PROKR2: variants seen among roughly 807,000 people sequenced by gnomAD.
The protein encoded by PROKR2 is G protein-coupled receptor 73-like 1.
A neutral mutation model predicts 23.4 loss-of-function variants in PROKR2; 26 were observed. The ratio of observed to expected loss-of-function variants is 1.11; its 90% CI spans 0.81 to 1.54. The LOEUF (loss-of-function observed/expected upper bound fraction) is 1.54. Ranked by LOEUF, PROKR2 falls within the 40% of genes most tolerant of loss-of-function variation. The pLI, the probability that PROKR2 is intolerant of heterozygous loss-of-function variation, is 0.00. For synonymous variants in PROKR2, 212 were observed against 201.2 expected, an observed-to-expected ratio of 1.05 and a Z score of -0.45; for missense variants, 453 against 511.5, an observed-to-expected ratio of 0.89 and a Z score of 1.10.
rs758934904 is a variant in PROKR2, at chr20:5,316,052, G to A, written c.-9+442C>T. ...CCTGGCAAAGACAGGAATCAAGTCA[G>A]AAATTCAGGCTCTAGAAGCAAAGGC... On this transcript the variant is annotated intron_variant, in intron 1 of 2. Transcript: ENST00000678254. The surrounding 1 kb of genome is among the most constrained non-coding windows in gnomAD (Gnocchi z 5.0). The A allele has an allele frequency of 2.2e-6, 1 of 456,632 alleles. No homozygotes were observed. The highest frequency in any genetic ancestry group is 6.9e-5 in the East Asian group (1 of 14,394). The allele number at this position is 456,632 out of a possible 1,614,324, so 28.3% of individuals were successfully genotyped here. A position where few individuals can be genotyped will look rare whatever the true frequency, so the allele number is the denominator to read the frequency against.
intron 2 of PROKR2, among the ~76,000 whole-genome samples, chr20:5,303,728 G>A (rs1979100643): frequency 6.6e-6 from 1 of 152,074 alleles, no homozygotes; most frequent in South Asian, 2.1e-4. Flanking sequence ...TTTGGGATAT[G>A]GTAGATGAAG....
chr20:5,306,132 A>G (rs562617134), intron 2 of PROKR2, among the ~76,000 whole-genome samples: 10 of 152,362 alleles, frequency 6.6e-5, no homozygotes, highest in African/African-American at 9.6e-5. Flanking sequence ...TACCTTTAAA[A>G]TGGTTAACAG....
rs1290039809 is a variant in PROKR2, at chr20:5,314,013, G to C, written c.357C>G (p.Leu119=). The change falls in exon 2 of 3, where the codon CTC becomes CTG. Residue 119 remains leucine (L), a synonymous_variant. Transcript: ENST00000678254. ...FEMDYYVVRQ[L]SWEHGHVLCA... is the part of the protein sequence containing the mutation. ...AGAGCACGTGGCCATGCTCCCAGGA[G>C]AGCTGCCGTACCACGTAGTAGTCCA... is the stretch of plus-strand genomic sequence containing the variant. The C allele has an allele frequency of 6.2e-7, 1 of 1,614,082 alleles. No individual in the cohort carries two copies. Among genetic ancestry groups the C allele is most frequent in the Non-Finnish European group, 8.5e-7 (1 of 1,180,036 alleles).
rs1244900738 is a variant in PROKR2, at chr20:5,301,932, G to A, written c.*108C>T. ...GCATTCAGCTTCTTGAGGGCACGGGGGAGGCATGAACACAGATGTCATTTC... is the reference window on the plus strand; with the variant it reads ...GCATTCAGCTTCTTGAGGGCACGGGAGAGGCATGAACACAGATGTCATTTC... On this transcript the variant is annotated 3_prime_UTR_variant, in exon 3 of 3. Coordinates refer to ENST00000678254, the MANE Select transcript of PROKR2 (RefSeq NM_144773.4). 1.0e-6 allele frequency: 1 copy of A among 1,000,360 alleles called. No homozygotes were observed. Among genetic ancestry groups the A allele is most frequent in the African/African-American group, 1.6e-5 (1 of 62,826 alleles). The allele number at this position is 1,000,360 out of a possible 1,614,324, so 62.0% of individuals were successfully genotyped here.
At chr20:5,309,856 T>C (rs6053286) in intron 2 of PROKR2, among the ~76,000 whole-genome samples, 107,505 of 152,076 alleles carry the variant, frequency 0.71, 37,994 homozygotes, top group Non-Finnish European at 0.72. Flanking sequence ...TTGTCAATTC[T>C]TAAATTCTCA....
At chr20:5,314,999 C>T (rs912400978) in intron 1 of PROKR2, among the ~76,000 whole-genome samples, 4 of 152,234 alleles carry the variant, frequency 2.6e-5, no homozygotes, top group Non-Finnish European at 5.9e-5. Context: ...TGGAAATCAC[C>T]AAGTTCACTT....
chr20:5,301,933 G>C lies in PROKR2; in HGVS notation c.*107C>G. On this transcript the variant is annotated 3_prime_UTR_variant, in exon 3 of 3. Transcript: ENST00000678254. ...CATTCAGCTTCTTGAGGGCACGGGG[G>C]AGGCATGAACACAGATGTCATTTCC... 9.9e-7 allele frequency: 1 copy of C among 1,007,292 alleles called. No individual in the cohort carries two copies. The highest frequency in any genetic ancestry group is 1.5e-6 in the Non-Finnish European group (1 of 676,692). 62.4% of individuals were successfully genotyped at this position (1,007,292 alleles called of 1,614,324 possible). A position where few individuals can be genotyped will look rare whatever the true frequency, so the allele number is the denominator to read the frequency against.
At chr20:5,313,787 C>T in intron 2 of PROKR2, 125 bp downstream of exon 2, 2 of 831,948 alleles carry the variant, frequency 2.4e-6, no homozygotes, top group South Asian at 1.6e-5. Flanking sequence ...AGAAACAAGA[C>T]CTCCTCTTGC....
rs1371549535 is a variant in PROKR2 at position 5,300,843 on chromosome 20, C to G, written c.*1197G>C. Among the ~76,000 whole-genome samples the G allele has an allele frequency of 6.6e-6, 1 of 152,156 alleles. No homozygotes were observed. The highest frequency in any genetic ancestry group is 2.4e-5 in the African/African-American group (1 of 41,432). ...CTCCACTTTTTTCTCTGTCCTCTTT[C>G]CCCCTGACCCCAGAGCCACTGAAAT... On this transcript the variant is annotated 3_prime_UTR_variant, in exon 3 of 3. Transcript: ENST00000678254.
rs191480827 is a variant in PROKR2 at position 5,301,126 on chromosome 20, C to T, written c.*914G>A. On this transcript the variant is annotated 3_prime_UTR_variant, in exon 3 of 3. Coordinates refer to ENST00000678254, the MANE Select transcript of PROKR2 (RefSeq NM_144773.4). ...AGTATGATGGCTGTAACACACCTCC[C>T]ATGATGCTGTAAACCACGCACTGAC... Among the ~76,000 whole-genome samples the T allele has an allele frequency of 1.1e-4, 16 of 152,282 alleles. No individual in the cohort carries two copies. Among genetic ancestry groups the T allele is most frequent in the Admixed American group, 9.8e-4 (15 of 15,300 alleles).
chr20:5,308,646 G>A (rs529833205), intron 2 of PROKR2, among the ~76,000 whole-genome samples: 55 of 152,256 alleles, frequency 3.6e-4, no homozygotes, highest in African/African-American at 1.3e-3. Flanking sequence ...CTATATTTCT[G>A]TGTGTGTGTC....
intron 2 of PROKR2, among the ~76,000 whole-genome samples, chr20:5,310,730 T>G (rs116432753): frequency 1.6e-5 from 1 of 61,270 alleles, no homozygotes; most frequent in African/African-American, 7.8e-5. Context: ...TCAGCAGGAA[T>G]ATGCTCTAGT....
chr20:5,315,193 G>A (rs916603207), intron 1 of PROKR2, among the ~76,000 whole-genome samples: 1 of 150,934 alleles, frequency 6.6e-6, no homozygotes, highest in African/African-American at 2.4e-5. Flanking sequence ...GTGGGGGAGG[G>A]GAATTCCCCT....
chr20:5,299,643 G>A lies in PROKR2; in HGVS notation c.*2397C>T, dbSNP rs1978917786. On this transcript the variant is annotated 3_prime_UTR_variant, in exon 3 of 3. Coordinates refer to ENST00000678254, the MANE Select transcript of PROKR2 (RefSeq NM_144773.4). ...TTGCATTTTCTTTTATTTTCCTTTT[G>A]AGATGGAATCTTGCTCTATCACCCA... Among the ~76,000 whole-genome samples, 1 of 151,968 alleles carries A rather than the reference G, an allele frequency of 6.6e-6. No individual in the cohort carries two copies. The highest frequency in any genetic ancestry group is 1.5e-5 in the Non-Finnish European group (1 of 68,004).
rs768302450 is a variant in PROKR2, at chr20:5,316,337, C to T, written c.-9+157G>A. 6.6e-6 allele frequency: 3 copies of T among 456,574 alleles called. No individual in the cohort carries two copies. The highest frequency in any genetic ancestry group is 1.3e-5 in the Non-Finnish European group (3 of 226,974). The allele number at this position is 456,574 out of a possible 1,614,324, so 28.3% of individuals were successfully genotyped here. A position where few individuals can be genotyped will look rare whatever the true frequency, so the allele number is the denominator to read the frequency against. On this transcript the variant is annotated intron_variant, in intron 1 of 2. Coordinates refer to ENST00000678254, the MANE Select transcript of PROKR2 (RefSeq NM_144773.4). This position sits in a 1 kb window ranked among gnomAD's most constrained non-coding sequence, Gnocchi z 5.0. ...CAGAGGGGATCTCCTGAAACCAACT[C>T]GCCTGCTTGGAGCCAGCCCCGACGC...
At chr20:5,303,304 A>G (rs901463531) in intron 2 of PROKR2, among the ~76,000 whole-genome samples, 1 of 152,160 alleles carries the variant, frequency 6.6e-6, no homozygotes, top group Admixed American at 6.5e-5. Flanking sequence ...TTCTCAGGGC[A>G]GTTGGCAAGA....
chr20:5,315,747 C>A (rs113769987), intron 1 of PROKR2: 15 of 420,668 alleles, frequency 3.6e-5, no homozygotes, highest in African/African-American at 2.3e-4. Context: ...ATCCCAGTGG[C>A]GTCCACACCC....
rs945720170 is a variant in PROKR2, at chr20:5,302,436, C to G, written c.759G>C (p.Lys253Asn). The G allele has an allele frequency of 1.2e-6, 2 of 1,614,204 alleles. No individual in the cohort carries two copies. The highest frequency in any genetic ancestry group is 1.7e-6 in the Non-Finnish European group (2 of 1,180,042). ...GCTCCGTCTGGAACCCAGGGACTGCCTTGAACCAGAGCTCCCGGGAGATCC... is the reference window on the plus strand; with the variant it reads ...GCTCCGTCTGGAACCCAGGGACTGCGTTGAACCAGAGCTCCCGGGAGATCC... ...YARISRELWF[K>N]AVPGFQTEQI... Residue 253 changes from lysine to asparagine, a missense_variant, in exon 3 of 3, where the codon AAG (lysine) becomes AAC (asparagine). Physicochemically the swap from Lys to Asn is moderately conservative, Grantham distance 94. Coordinates refer to ENST00000678254, the MANE Select transcript of PROKR2 (RefSeq NM_144773.4).
In PROKR2 at chr20:5,300,818, C is replaced by T. The variant is rs575735431; in HGVS notation, c.*1222G>A. ...GATTATGTTCATTGCCAGTGGCAAC[C>T]TCCACTTTTTTCTCTGTCCTCTTTC... On this transcript the variant is annotated 3_prime_UTR_variant, in exon 3 of 3. Transcript: ENST00000678254. Among the ~76,000 whole-genome samples, 1 of 152,278 alleles carries T rather than the reference C, an allele frequency of 6.6e-6. No homozygotes were observed. The highest frequency in any genetic ancestry group is 2.1e-4 in the South Asian group (1 of 4,822).
Sources: allele counts gnomAD v4.1 joint callset (sites outside exome capture counted in the v4.1 genomes callset), GRCh38; gene constraint gnomAD v4.1.1; non-coding constraint Gnocchi (gnomAD v3.1); transcripts MANE v1.5; gene names NCBI Gene and HGNC (gene_info 2026-07-23, HGNC 2026-07-21).